NUBPL: variants seen among roughly 807,000 people sequenced by gnomAD.
NUBPL encodes NUBP iron-sulfur cluster assembly factor, mitochondrial, also known as iron-sulfur cluster transfer protein NUBPL.
In NUBPL, 31 loss-of-function variants were observed where a neutral mutation model predicts 45.7. That is an observed-to-expected ratio of 0.68 (90% CI 0.51 to 0.92). The LOEUF (loss-of-function observed/expected upper bound fraction) is 0.92, where lower values mean the gene tolerates loss of function less well. NUBPL is among the 40% of genes least tolerant of loss of function. The probability of loss-of-function intolerance (pLI) is 0.00; values close to 1 mark genes in which losing one functional copy is unlikely to be tolerated. For synonymous variants in NUBPL, 144 were observed against 140.9 expected, an observed-to-expected ratio of 1.02 and a Z score of -0.15; for missense variants, 401 against 398.7, an observed-to-expected ratio of 1.01 and a Z score of -0.05.
At chr14:31,596,910 G>A (rs544536590) in intron 3 of NUBPL, among the ~76,000 whole-genome samples, 5 of 152,270 alleles carry the variant, frequency 3.3e-5, no homozygotes, top group Admixed American at 3.3e-4. Context: ...TTCAAAAAAT[G>A]GGGAGATGCA....
intron 3 of NUBPL, among the ~76,000 whole-genome samples, chr14:31,576,773 AT>A (rs778665193): frequency 5.3e-5 from 8 of 152,118 alleles, no homozygotes; most frequent in Admixed American, 1.3e-4. Flanking sequence ...TTCCTATTCC[AT>A]GTGAAAAATG....
chr14:31,696,846 C>T (rs1282676664), intron 6 of NUBPL, among the ~76,000 whole-genome samples: 12 of 152,080 alleles, frequency 7.9e-5, no homozygotes, highest in Admixed American at 7.2e-4. Flanking sequence ...AGTTTAACAA[C>T]AGATTTCATT....
At chr14:31,654,318 T>C (rs946564533) in intron 4 of NUBPL, among the ~76,000 whole-genome samples, 2 of 152,176 alleles carry the variant, frequency 1.3e-5, no homozygotes, top group African/African-American at 4.8e-5. Flanking sequence ...CTTTTTGCCT[T>C]TGGATGGTGT....
intron 6 of NUBPL, among the ~76,000 whole-genome samples, chr14:31,739,369 G>A (rs1027912246): frequency 2.6e-5 from 4 of 151,514 alleles, no homozygotes; most frequent in African/African-American, 9.7e-5. Flanking sequence ...ACAGGCATGA[G>A]CCACCGTGCC....
intron 6 of NUBPL, among the ~76,000 whole-genome samples, chr14:31,713,832 A>G (rs182002185): frequency 3.3e-5 from 5 of 152,344 alleles, no homozygotes; most frequent in Admixed American, 2.6e-4. Flanking sequence ...TTTCACAAAG[A>G]AAATTAAATT....
intron 6 of NUBPL, among the ~76,000 whole-genome samples, chr14:31,712,473 T>C (rs2037597324): frequency 1.3e-5 from 2 of 152,140 alleles, no homozygotes; most frequent in African/African-American, 4.8e-5. Flanking sequence ...TGTGCCAGCC[T>C]GTGAGTGAGG....
At position 31,561,454 on chromosome 14, in the gene NUBPL, G is replaced by T; in HGVS notation, c.15G>T (p.Gln5His). 7.1e-7 allele frequency: 1 copy of T among 1,417,950 alleles called. No individual in the cohort carries two copies. Among genetic ancestry groups the T allele is most frequent in the Non-Finnish European group, 9.3e-7 (1 of 1,076,076 alleles). 87.8% of individuals were successfully genotyped at this position (1,417,950 alleles called of 1,614,324 possible). The change falls in exon 1 of 11, where the codon CAG becomes CAT. Residue 5 changes from glutamine to histidine, a missense_variant. Coordinates refer to ENST00000281081, the MANE Select transcript of NUBPL (RefSeq NM_025152.3). ...CGTTCCGCGTCATGGGGATTTGGCA[G>T]CGTCTGCTGCTTTTTGGTGGGGTGT... MGIWQRLLLFGGVSL... is the reference protein window; with the variant it reads MGIWHRLLLFGGVSL...
intron 7 of NUBPL, among the ~76,000 whole-genome samples, chr14:31,815,024 T>A (rs1405600087): frequency 6.6e-6 from 1 of 152,224 alleles, no homozygotes; most frequent in Middle Eastern, 3.2e-3. Flanking sequence ...ATATGGGCTC[T>A]TTTTTGATTC....
intron 4 of NUBPL, among the ~76,000 whole-genome samples, chr14:31,615,690 C>A (rs970571855): frequency 3.9e-4 from 60 of 152,176 alleles, no homozygotes; most frequent in African/African-American, 1.4e-3. Flanking sequence ...TTTATCCAGT[C>A]CATCATTGAT....
At chr14:31,668,687 G>A (rs2036497442) in intron 4 of NUBPL, among the ~76,000 whole-genome samples, 1 of 152,194 alleles carries the variant, frequency 6.6e-6, no homozygotes, top group Admixed American at 6.5e-5. Context: ...TGGTGGTGTA[G>A]GCACTTGAGG....
chr14:31,793,050 A>G (rs934886697), intron 7 of NUBPL, among the ~76,000 whole-genome samples: 4 of 152,018 alleles, frequency 2.6e-5, no homozygotes, highest in African/African-American at 9.7e-5. Flanking sequence ...TTTCCTTATC[A>G]TTGACTTTAG....
intron 7 of NUBPL, among the ~76,000 whole-genome samples, chr14:31,812,618 C>T (rs1398097961): frequency 1.4e-4 from 21 of 152,218 alleles, no homozygotes; most frequent in Non-Finnish European, 1.5e-5. Context: ...CGCCCTGCTT[C>T]CACTTGCCCT....
chr14:31,639,838 T>C (rs762790705), intron 4 of NUBPL, among the ~76,000 whole-genome samples: 1 of 152,186 alleles, frequency 6.6e-6, no homozygotes. Context: ...GATCTCAGAC[T>C]GCTGTGCTAG....
chr14:31,712,940 A>G (rs572545649), intron 6 of NUBPL, among the ~76,000 whole-genome samples: 12 of 152,308 alleles, frequency 7.9e-5, no homozygotes, highest in African/African-American at 2.6e-4. Context: ...GGAACTGGTT[A>G]ACGAGAAGCA....
At chr14:31,581,467 G>T (rs1425540979) in intron 3 of NUBPL, among the ~76,000 whole-genome samples, 4 of 152,112 alleles carry the variant, frequency 2.6e-5, no homozygotes, top group Admixed American at 2.0e-4. Context: ...ACTCGTATAA[G>T]TGGAGTCATA....
At chr14:31,607,472 C>A (rs1226179195) in intron 4 of NUBPL, among the ~76,000 whole-genome samples, 5 of 151,072 alleles carry the variant, frequency 3.3e-5, no homozygotes, top group Non-Finnish European at 7.4e-5. Flanking sequence ...TGAGGAAACT[C>A]AAAGAAAGTC....
intron 4 of NUBPL, among the ~76,000 whole-genome samples, chr14:31,632,916 A>T (rs760175838): frequency 6.6e-6 from 1 of 152,256 alleles, no homozygotes; most frequent in Non-Finnish European, 1.5e-5. Flanking sequence ...GCAAATATTT[A>T]TATGTTAATC....
intron 3 of NUBPL, among the ~76,000 whole-genome samples, chr14:31,597,140 C>T (rs1030243174): frequency 1.3e-5 from 2 of 152,088 alleles, no homozygotes; most frequent in Admixed American, 1.3e-4. Context: ...ATATTTTCCT[C>T]CCTTTGTTTC....
At chr14:31,811,987 T>G (rs1467781697) in intron 7 of NUBPL, among the ~76,000 whole-genome samples, 1 of 152,222 alleles carries the variant, frequency 6.6e-6, no homozygotes, top group Non-Finnish European at 1.5e-5. Context: ...CAGCAAATAT[T>G]GCTCCCTGAT....
Sources: allele counts gnomAD v4.1 joint callset (sites outside exome capture counted in the v4.1 genomes callset), GRCh38; gene constraint gnomAD v4.1.1; transcripts MANE v1.5; gene names NCBI Gene and HGNC (gene_info 2026-07-23, HGNC 2026-07-21).